Variants in RFX3 observed in about 807,000 individuals in gnomAD.
RFX3 encodes the protein transcription factor RFX3.
A neutral mutation model predicts 98.6 loss-of-function variants in RFX3; 14 were observed. The ratio of observed to expected loss-of-function variants is 0.14; its 90% confidence interval spans 0.09 to 0.22. The LOEUF is 0.22. Among genes scored for constraint, RFX3 ranks in the 10% least tolerant of loss-of-function variants. RFX3 has a pLI of 1.00. For synonymous variants in RFX3, 383 were observed against 328.4 expected (o/e 1.17, Z -1.80); for missense variants, 639 against 926.9 (o/e 0.69, Z 4.03).
Position 3,292,061 on chromosome 9 carries a change from C to CAAAAAAAAAAAAAA in RFX3, c.731+1002_731+1015dup, listed in dbSNP as rs58788880. Among the ~76,000 whole-genome samples, 12 of 23,946 alleles carry CAAAAAAAAAAAAAA rather than the reference C, an allele frequency of 5.0e-4. 2 individuals carry two copies. The highest frequency in any genetic ancestry group is 8.7e-4 in the Admixed American group (1 of 1,154). 15.7% of individuals were successfully genotyped at this position (23,946 alleles called of 152,430 possible). On this transcript the variant is annotated intron_variant, in intron 6 of 16. Transcript: ENST00000617270. ...ACAGAAACAGAGTGAGACTCCATCT[C>CAAAAAAAAAAAAAA]AAAAAAAAAAAAAAAAAAAAAAAAA...
intron 9 of RFX3, among the ~76,000 whole-genome samples, chr9:3,272,266 C>T (rs1276703621): frequency 6.6e-6 from 1 of 152,096 alleles, no homozygotes; most frequent in Non-Finnish European, 1.5e-5. Flanking sequence ...AAAGGTAAAA[C>T]AGCCCCACAA....
chr9:3,243,001 T>C (rs1427227339), intron 15 of RFX3, among the ~76,000 whole-genome samples: 1 of 151,916 alleles, frequency 6.6e-6, no homozygotes, highest in Non-Finnish European at 1.5e-5. Flanking sequence ...GCAATCAAAA[T>C]TTCAAAGATT....
chr9:3,334,839 G>A lies in RFX3; in HGVS notation c.216-4322C>T, dbSNP rs549149578. Among the ~76,000 whole-genome samples the A allele has an allele frequency of 4.6e-5, 7 of 152,260 alleles. No individual in the cohort carries two copies. The East Asian group carries it at 1.4e-3, about 29-fold the overall frequency. ...GGCTGATTATAATATCCTTAGCTGGGCCAGGCGCGGTGGTTCATGCCCATA... is the reference window on the plus strand; with the variant it reads ...GGCTGATTATAATATCCTTAGCTGGACCAGGCGCGGTGGTTCATGCCCATA... On this transcript the variant is annotated intron_variant, in intron 3 of 16. Transcript: ENST00000617270.
In RFX3 at chr9:3,221,281, A is replaced by G. The variant is rs760635193; in HGVS notation, c.*3761T>C. ...GGAATTTTTAAAAATTTGAAAATGCATTTAGCACTTTTAGACAGTGCATTC... is the reference window on the plus strand; with the variant it reads ...GGAATTTTTAAAAATTTGAAAATGCGTTTAGCACTTTTAGACAGTGCATTC... On this transcript the variant is annotated 3_prime_UTR_variant, in exon 17 of 17. Coordinates refer to ENST00000617270, the MANE Select transcript of RFX3 (RefSeq NM_001282116.2). 3 of 152,124 alleles carry G rather than the reference A, an allele frequency of 2.0e-5. No homozygotes were observed. Among genetic ancestry groups the G allele is most frequent in the Non-Finnish European group, 4.4e-5 (3 of 68,016 alleles). The allele number at this position is 152,124 out of a possible 1,614,324, so 9.4% of individuals were successfully genotyped here. A position where few individuals can be genotyped will look rare whatever the true frequency, so the allele number is the denominator to read the frequency against.
intron 2 of RFX3, among the ~76,000 whole-genome samples, chr9:3,351,417 A>AT (rs1429970931): frequency 6.6e-6 from 1 of 151,890 alleles, no homozygotes; most frequent in African/African-American, 2.4e-5. Flanking sequence ...AAATGATGAA[A>AT]CCTCCCTAGA....
intron 1 of RFX3, among the ~76,000 whole-genome samples, chr9:3,450,629 T>C (rs1051950594): frequency 6.6e-6 from 1 of 152,254 alleles, no homozygotes; most frequent in African/African-American, 2.4e-5. Flanking sequence ...GTTTAAAGTC[T>C]TTCCAATATC....
intron 4 of RFX3, among the ~76,000 whole-genome samples, chr9:3,314,442 T>C (rs1443915685): frequency 1.3e-5 from 2 of 152,160 alleles, no homozygotes; most frequent in East Asian, 1.9e-4. Context: ...AGACCATCGA[T>C]GCTAGGAAGA....
At chr9:3,326,075 T>C (rs1242052947) in intron 4 of RFX3, among the ~76,000 whole-genome samples, 3 of 152,238 alleles carry the variant, frequency 2.0e-5, no homozygotes, top group Admixed American at 2.0e-4. Context: ...TGTTATAACA[T>C]CTTTCTGAAA....
At chr9:3,396,148 C>T (rs551939418) in intron 1 of RFX3, among the ~76,000 whole-genome samples, 5 of 151,978 alleles carry the variant, frequency 3.3e-5, no homozygotes, top group African/African-American at 1.2e-4. Flanking sequence ...ATTAACTCGT[C>T]ATTTAACATT....
chr9:3,385,516 TG>T (rs922588084), intron 2 of RFX3, among the ~76,000 whole-genome samples: 1 of 151,914 alleles, frequency 6.6e-6, no homozygotes, highest in African/African-American at 2.4e-5. Context: ...AAGACTAGCC[TG>T]GCCAACATGG....
At chr9:3,525,211 A>G (rs970866278) in intron 1 of RFX3, among the ~76,000 whole-genome samples, 2 of 152,182 alleles carry the variant, frequency 1.3e-5, no homozygotes, top group South Asian at 2.1e-4. Context: ...AACAAAACCC[A>G]TAACAAGGCC....
intron 2 of RFX3, among the ~76,000 whole-genome samples, chr9:3,361,239 C>T (rs941888424): frequency 2.6e-5 from 4 of 151,982 alleles, no homozygotes; most frequent in African/African-American, 7.3e-5. Context: ...AGGAAGACAT[C>T]CAGAGTAGCA....
intron 12 of RFX3, among the ~76,000 whole-genome samples, chr9:3,264,810 C>T (rs571783431): frequency 7.2e-5 from 11 of 152,246 alleles, no homozygotes; most frequent in East Asian, 3.9e-4. Context: ...GAAGAACAGA[C>T]GGTACCCTCT....
At chr9:3,239,582 C>G (rs919905190) in intron 15 of RFX3, among the ~76,000 whole-genome samples, 29 of 152,218 alleles carry the variant, frequency 1.9e-4, no homozygotes, top group African/African-American at 7.0e-4. Flanking sequence ...ATGTCTAAGA[C>G]ACACTTACAA....
chr9:3,379,184 G>A (rs893458319), intron 2 of RFX3, among the ~76,000 whole-genome samples: 3 of 152,116 alleles, frequency 2.0e-5, no homozygotes, highest in Non-Finnish European at 2.9e-5. Flanking sequence ...CAGTTTTGGG[G>A]AGAGACACTA....
chr9:3,507,515 T>C (rs896861782), intron 1 of RFX3, among the ~76,000 whole-genome samples: 2 of 151,934 alleles, frequency 1.3e-5, no homozygotes, highest in African/African-American at 4.8e-5. Flanking sequence ...TGCTAGTCAG[T>C]GGCAGAGCTC....
intron 3 of RFX3, among the ~76,000 whole-genome samples, chr9:3,345,717 A>AGTT (rs1479603833): frequency 1.3e-5 from 2 of 152,194 alleles, no homozygotes; most frequent in Non-Finnish European, 2.9e-5. Flanking sequence ...TTCTGTTTTT[A>AGTT]GTTATAATAA....
chr9:3,227,835 T>G (rs776977196), intron 16 of RFX3, among the ~76,000 whole-genome samples: 29 of 152,208 alleles, frequency 1.9e-4, no homozygotes, highest in Admixed American at 7.9e-4. Context: ...GGCTATAATT[T>G]TCTCATTTCC....
chr9:3,244,748 G>C (rs1482365978), intron 15 of RFX3, among the ~76,000 whole-genome samples: 2 of 152,174 alleles, frequency 1.3e-5, no homozygotes, highest in African/African-American at 4.8e-5. Flanking sequence ...CAAGCTTTAA[G>C]CATTCTTATA....
Sources: allele counts gnomAD v4.1 joint callset (sites outside exome capture counted in the v4.1 genomes callset), GRCh38; gene constraint gnomAD v4.1.1; transcripts MANE v1.5; gene names NCBI Gene and HGNC (gene_info 2026-07-23, HGNC 2026-07-21).